The following ZC2HC1A variants were observed in gnomAD, a reference collection of about 807,000 sequenced individuals.
The protein encoded by ZC2HC1A is zinc finger C2HC domain-containing protein 1A.
In ZC2HC1A, 28 loss-of-function variants were observed where a neutral mutation model predicts 40.7. The observed-to-expected ratio is 0.69, with a 90% CI of 0.51 to 0.94. The LOEUF (loss-of-function observed/expected upper bound fraction) is 0.94, where lower values mean the gene tolerates loss of function less well. Ranked by LOEUF, ZC2HC1A falls within the 40% of genes least tolerant of loss-of-function variation. The probability of loss-of-function intolerance (pLI) is 0.00; values close to 1 mark genes in which losing one functional copy is unlikely to be tolerated. For missense variants in ZC2HC1A, 389 were observed against 386.3 expected (o/e 1.01, Z -0.06); for synonymous variants, 129 against 129.2 (o/e 1.00, Z 0.01).
In ZC2HC1A at chr8:78,678,658, A is replaced by G. The variant is rs553960961; in HGVS notation, c.189A>G (p.Thr63=). 4 of 1,609,134 alleles carry G rather than the reference A, an allele frequency of 2.5e-6. No homozygotes were observed. The highest frequency in any genetic ancestry group is 3.4e-6 in the Non-Finnish European group (4 of 1,178,380). ...GAGCTGAAGGAACTGATATTCCAAC[A>G]GTAAAACCTCTCAAACCGAGGGTAA... ...RQRAEGTDIP[T]VKPLKPRPEP... The change falls in exon 3 of 9, where the codon ACA becomes ACG. Residue 63 remains threonine (T), a synonymous_variant. Coordinates refer to ENST00000263849, the MANE Select transcript of ZC2HC1A (RefSeq NM_016010.3).
At chr8:78,690,296 C>T (rs1586000862) in intron 5 of ZC2HC1A, among the ~76,000 whole-genome samples, 1 of 152,144 alleles carries the variant, frequency 6.6e-6, no homozygotes, top group African/African-American at 2.4e-5. Flanking sequence ...GCAGTGGCTC[C>T]CGCCTTTAAT....
chr8:78,684,334 A>G (rs949333764), intron 3 of ZC2HC1A, among the ~76,000 whole-genome samples: 2 of 152,234 alleles, frequency 1.3e-5, no homozygotes, highest in Admixed American at 1.3e-4. Context: ...TCAAAGGCAC[A>G]TCTTACATGA....
At chr8:78,686,316 C>G (rs1364517447) in intron 3 of ZC2HC1A, 151 bp from the exon 4 acceptor site, 4 of 695,290 alleles carry the variant, frequency 5.8e-6, no homozygotes, top group Non-Finnish European at 4.0e-6. Flanking sequence ...TAAAGTTTCT[C>G]TTTAAAATTA....
Position 78,686,602 on chromosome 8 carries a change from G to T in ZC2HC1A, c.346G>T (p.Asp116Tyr). The T allele has an allele frequency of 6.7e-7, 1 of 1,497,218 alleles. No individual in the cohort carries two copies. Among genetic ancestry groups the T allele is most frequent in the African/African-American group, 1.4e-5 (1 of 69,508 alleles). 92.7% of individuals were successfully genotyped at this position (1,497,218 alleles called of 1,614,324 possible). Residue 116 changes from aspartate to tyrosine, a missense_variant, in exon 4 of 9, where the codon GAT (aspartate) becomes TAT (tyrosine). Physicochemically the swap from Asp to Tyr is radical, Grantham distance 160 (BLOSUM62 -3). Transcript: ENST00000263849. The stretch of plus-strand genomic sequence containing the variant: ...TCCTCCTCCTCCTCCACCTTCTTAT[G>T]ATCCTGGTATTTGGAATATTGTTGA... ...KLPPPPPPSY[D>Y]PDYIQCPYCQ...
At chr8:78,675,451 A>G (rs1444976039) in intron 1 of ZC2HC1A, among the ~76,000 whole-genome samples, 1 of 151,992 alleles carries the variant, frequency 6.6e-6, no homozygotes, top group Non-Finnish European at 1.5e-5. Context: ...TTTTGTTCTT[A>G]AAATGTAGTA....
intron 7 of ZC2HC1A, among the ~76,000 whole-genome samples, chr8:78,710,694 G>T (rs930591223): frequency 1.3e-5 from 2 of 151,960 alleles, no homozygotes; most frequent in African/African-American, 2.4e-5. Context: ...AAATCTGAAT[G>T]TTTAAAATTC....
intron 7 of ZC2HC1A, among the ~76,000 whole-genome samples, chr8:78,702,122 C>T (rs1417673758): frequency 6.6e-6 from 1 of 152,092 alleles, no homozygotes; most frequent in African/African-American, 2.4e-5. Flanking sequence ...AATTGGTAAG[C>T]TATTTATTAC....
rs562797166 is a variant in ZC2HC1A at position 78,678,907 on chromosome 8, G to A, written c.210+228G>A. ...TCTAAACTTCAAAGAAGAGACCAAG[G>A]TGCTGTTTCAAACTCCATCAATTAC... On this transcript the variant is annotated intron_variant, in intron 3 of 8. Transcript: ENST00000263849. 10 of 269,068 alleles carry A rather than the reference G, an allele frequency of 3.7e-5. No homozygotes were observed. In the South Asian group the frequency reaches 6.2e-4, roughly 17 times the overall value. The allele number at this position is 269,068 out of a possible 1,614,324, so 16.7% of individuals were successfully genotyped here. A position where few individuals can be genotyped will look rare whatever the true frequency, so the allele number is the denominator to read the frequency against.
At chr8:78,692,655 T>C (rs1489541659) in intron 5 of ZC2HC1A, among the ~76,000 whole-genome samples, 2 of 152,096 alleles carry the variant, frequency 1.3e-5, no homozygotes, top group African/African-American at 4.8e-5. Context: ...CAGTAATCTT[T>C]TTGTTGTAAT....
At chr8:78,688,566 A>G (rs1005365358) in intron 4 of ZC2HC1A, among the ~76,000 whole-genome samples, 9 of 152,162 alleles carry the variant, frequency 5.9e-5, no homozygotes, top group Non-Finnish European at 1.0e-4. Context: ...TAGTTATTTT[A>G]CAATGCTACA....
At chr8:78,697,205 T>C (rs1810449927) in intron 5 of ZC2HC1A, among the ~76,000 whole-genome samples, 1 of 152,232 alleles carries the variant, frequency 6.6e-6, no homozygotes, top group Non-Finnish European at 1.5e-5. Context: ...CTTAATCGTT[T>C]TTAAGAATAC....
chr8:78,689,137 G>A, intron 4 of ZC2HC1A, 85 bp from the exon 5 acceptor site: 1 of 1,004,534 alleles, frequency 1.0e-6, no homozygotes, highest in South Asian at 4.0e-5. Context: ...TATATTTTTT[G>A]AATGACTGCA....
At chr8:78,676,747 C>A (rs551344542) in intron 2 of ZC2HC1A, among the ~76,000 whole-genome samples, 2 of 151,970 alleles carry the variant, frequency 1.3e-5, no homozygotes, top group South Asian at 4.2e-4. Context: ...AAACATCTTG[C>A]CCACACATTC....
intron 4 of ZC2HC1A, among the ~76,000 whole-genome samples, chr8:78,687,745 ACATTATATATATTTACGT>A (rs1810055858): frequency 1.5e-5 from 1 of 67,790 alleles, no homozygotes; most frequent in Admixed American, 1.9e-4. Flanking sequence ...TTTATGTAAT[ACATTATATATATTTACGT>A]AAGACATTAT....
chr8:78,685,218 G>A (rs1340937174), intron 3 of ZC2HC1A, among the ~76,000 whole-genome samples: 2 of 150,446 alleles, frequency 1.3e-5, no homozygotes, highest in South Asian at 2.1e-4. Context: ...GGGACAGGGA[G>A]GGGAGAGTCA....
intron 8 of ZC2HC1A, 71 bp downstream of exon 8, chr8:78,715,399 A>G: frequency 7.3e-7 from 1 of 1,372,004 alleles, no homozygotes; most frequent in East Asian, 2.4e-5. Flanking sequence ...AGGACCATAC[A>G]CAAAAGTAAG....
chr8:78,709,370 A>C (rs1466029359), intron 7 of ZC2HC1A, among the ~76,000 whole-genome samples: 1 of 152,108 alleles, frequency 6.6e-6, no homozygotes, highest in African/African-American at 2.4e-5. Flanking sequence ...CAGTCTTTTG[A>C]TGTGTGTGAA....
At chr8:78,717,021 C>T (rs1365995717) in intron 8 of ZC2HC1A, among the ~76,000 whole-genome samples, 3 of 150,304 alleles carry the variant, frequency 2.0e-5, no homozygotes, top group South Asian at 2.1e-4. Context: ...GTCAGTTAAA[C>T]CTCTTTTCTT....
chr8:78,701,697 G>T (rs569226944), intron 7 of ZC2HC1A, among the ~76,000 whole-genome samples: 1 of 152,144 alleles, frequency 6.6e-6, no homozygotes, highest in Non-Finnish European at 1.5e-5. Flanking sequence ...AGTTTTTAAC[G>T]TGAAGGGATG....
Sources: allele counts gnomAD v4.1 joint callset (sites outside exome capture counted in the v4.1 genomes callset), GRCh38; gene constraint gnomAD v4.1.1; transcripts MANE v1.5; gene names NCBI Gene and HGNC (gene_info 2026-07-23, HGNC 2026-07-21).